IKZF3: variants seen among roughly 807,000 people sequenced by gnomAD.
The protein encoded by IKZF3 is IKAROS family zinc finger 3.
A neutral mutation model predicts 49.0 loss-of-function variants in IKZF3; 10 were observed. The ratio of observed to expected loss-of-function variants is 0.20; its 90% confidence interval spans 0.13 to 0.35. The LOEUF (loss-of-function observed/expected upper bound fraction) is 0.35. IKZF3 is among the 10% of genes least tolerant of loss of function. The pLI is 1.00. For missense variants in IKZF3, 498 were observed against 664.8 expected (o/e 0.75, Z 2.76); for synonymous variants, 209 against 228.2 (o/e 0.92, Z 0.76).
chr17:39,785,155 A>T (rs551321603), intron 6 of IKZF3, among the ~76,000 whole-genome samples: 2 of 152,180 alleles, frequency 1.3e-5, no homozygotes, highest in Non-Finnish European at 2.9e-5. Context: ...GAAACCACAC[A>T]TGGAAGGGTG....
At chr17:39,831,940 T>A (rs112307663) in intron 2 of IKZF3, among the ~76,000 whole-genome samples, 158 bp downstream of exon 2, 1 of 152,106 alleles carries the variant, frequency 6.6e-6, no homozygotes, top group African/African-American at 2.4e-5. Flanking sequence ...TCTAAATGGA[T>A]GAGTTATTTT....
intron 3 of IKZF3, among the ~76,000 whole-genome samples, chr17:39,817,603 C>A (rs1263121824): frequency 6.6e-6 from 1 of 152,130 alleles, no homozygotes; most frequent in Non-Finnish European, 1.5e-5. Context: ...AGTACCGGGC[C>A]TAACTCTAGT....
intron 3 of IKZF3, among the ~76,000 whole-genome samples, chr17:39,801,492 G>A (rs931919076): frequency 1.3e-5 from 2 of 152,116 alleles, no homozygotes; most frequent in Admixed American, 1.3e-4. Context: ...AGCAAAATGG[G>A]AAATATATGT....
chr17:39,832,417 G>A (rs917074308), intron 1 of IKZF3, among the ~76,000 whole-genome samples: 1 of 151,144 alleles, frequency 6.6e-6, no homozygotes, highest in Non-Finnish European at 1.5e-5. Context: ...GGTTCCATTA[G>A]AAATAATTTC....
At chr17:39,853,681 C>T (rs2062949030) in intron 1 of IKZF3, among the ~76,000 whole-genome samples, 1 of 151,562 alleles carries the variant, frequency 6.6e-6, no homozygotes, top group South Asian at 2.1e-4. Context: ...ACTAAAAATA[C>T]AAAATTAGCC....
In IKZF3 at chr17:39,765,940, G is replaced by A; in HGVS notation, c.1380C>T (p.Leu460=). 2 of 1,614,266 alleles carry A rather than the reference G, an allele frequency of 1.2e-6. No homozygotes were observed. The highest frequency in any genetic ancestry group is 1.7e-6 in the Non-Finnish European group (2 of 1,180,046). The change falls in exon 8 of 8, where the codon CTC becomes CTT. Residue 460 remains leucine (L), a synonymous_variant. Coordinates refer to ENST00000346872, the MANE Select transcript of IKZF3 (RefSeq NM_012481.5). ...TCGTGAACATCACATAGTCCAGGAA[G>A]AGGACGCGGCAGTGGTCACACCGAT... The part of the protein sequence containing the change: ...DVYRCDHCRV[L]FLDYVMFTIH...
chr17:39,807,899 C>T (rs1448560181), intron 3 of IKZF3, among the ~76,000 whole-genome samples: 3 of 152,000 alleles, frequency 2.0e-5, no homozygotes, highest in Non-Finnish European at 2.9e-5. Context: ...GGATCAACTA[C>T]AAACAAGTAC....
At chr17:39,804,030 T>A (rs2061381345) in intron 3 of IKZF3, among the ~76,000 whole-genome samples, 1 of 152,234 alleles carries the variant, frequency 6.6e-6, no homozygotes. Context: ...TTTTGTGTTA[T>A]ATCACAATTA....
At chr17:39,851,757 A>G (rs980166215) in intron 1 of IKZF3, among the ~76,000 whole-genome samples, 2 of 152,188 alleles carry the variant, frequency 1.3e-5, no homozygotes, top group Non-Finnish European at 2.9e-5. Context: ...AAAATAATCA[A>G]GCTATATACA....
chr17:39,788,668 T>C (rs2060932659), intron 5 of IKZF3, among the ~76,000 whole-genome samples: 1 of 152,204 alleles, frequency 6.6e-6, no homozygotes. Context: ...AAATTTTGTT[T>C]TCTTTGGGAA....
chr17:39,810,338 T>C (rs1407980372), intron 3 of IKZF3, among the ~76,000 whole-genome samples: 1 of 152,228 alleles, frequency 6.6e-6, no homozygotes, highest in Non-Finnish European at 1.5e-5. Flanking sequence ...GTTTAACTAT[T>C]TTTAAACAAA....
At chr17:39,816,368 T>C (rs1354920406) in intron 3 of IKZF3, among the ~76,000 whole-genome samples, 4 of 152,254 alleles carry the variant, frequency 2.6e-5, no homozygotes, top group Admixed American at 1.3e-4. Flanking sequence ...AATCTTTTCT[T>C]AACTCATCAT....
At chr17:39,839,823 C>A (rs1247559201) in intron 1 of IKZF3, among the ~76,000 whole-genome samples, 1 of 151,772 alleles carries the variant, frequency 6.6e-6, no homozygotes, top group Admixed American at 6.6e-5. Context: ...CCATGTCCAG[C>A]TAATTTTTCT....
chr17:39,792,544 G>C, intron 4 of IKZF3, 129 bp downstream of exon 4: 1 of 912,292 alleles, frequency 1.1e-6, no homozygotes, highest in Non-Finnish European at 1.7e-6. Context: ...GCAATGCAGA[G>C]AGAGAGATAC....
chr17:39,793,033 C>A (rs765171240), intron 3 of IKZF3, 100 bp from the exon 4 acceptor site: 1 of 1,184,590 alleles, frequency 8.4e-7, no homozygotes, highest in African/African-American at 1.5e-5. Context: ...AAATACCAAT[C>A]GAAGCTAACA....
chr17:39,807,105 G>A (rs1480694278), intron 3 of IKZF3, among the ~76,000 whole-genome samples: 1 of 152,156 alleles, frequency 6.6e-6, no homozygotes, highest in Non-Finnish European at 1.5e-5. Flanking sequence ...CTGAAGCAGA[G>A]GACCCAGATA....
At chr17:39,801,506 G>A (rs1252342035) in intron 3 of IKZF3, among the ~76,000 whole-genome samples, 1 of 152,174 alleles carries the variant, frequency 6.6e-6, no homozygotes, top group African/African-American at 2.4e-5. Context: ...TATATGTATT[G>A]TAGGTATTCA....
At position 39,779,383 on chromosome 17, in the gene IKZF3, C is replaced by G. The variant is rs971248464; in HGVS notation, c.710-1616G>C. On this transcript the variant is annotated intron_variant, in intron 6 of 7. Transcript: ENST00000346872. ...GGCTGAGGCCGGAGAATCGCTTGAACCCAGGAGGCAGAGGTTGTGGTGAGC... is the reference window on the plus strand; with the variant it reads ...GGCTGAGGCCGGAGAATCGCTTGAAGCCAGGAGGCAGAGGTTGTGGTGAGC... 1.1e-4 allele frequency among the ~76,000 whole-genome samples: 16 copies of G among 152,122 alleles called. No individual in the cohort carries two copies. The South Asian group carries it at 3.3e-3, about 32-fold the overall frequency.
intron 3 of IKZF3, among the ~76,000 whole-genome samples, chr17:39,795,373 G>A (rs1301044665): frequency 6.6e-6 from 1 of 152,130 alleles, no homozygotes; most frequent in Non-Finnish European, 1.5e-5. Context: ...TGACCTCTCT[G>A]CATGGTTACT....
Sources: allele counts gnomAD v4.1 joint callset (sites outside exome capture counted in the v4.1 genomes callset), GRCh38; gene constraint gnomAD v4.1.1; transcripts MANE v1.5; gene names NCBI Gene and HGNC (gene_info 2026-07-23, HGNC 2026-07-21).